The following DCP1A variants were observed in gnomAD, a reference collection of about 807,000 sequenced individuals.
DCP1A encodes the protein mRNA-decapping enzyme 1A.
In DCP1A, 20 loss-of-function variants were observed where a neutral mutation model predicts 58.0. The observed-to-expected ratio is 0.34, with a 90% CI of 0.24 to 0.50. The LOEUF (loss-of-function observed/expected upper bound fraction) is 0.50, where lower values mean the gene tolerates loss of function less well. Among genes scored for constraint, DCP1A ranks in the 20% least tolerant of loss-of-function variants. DCP1A has a pLI of 0.98. For synonymous variants in DCP1A, 285 were observed against 275.1 expected (o/e 1.04, Z -0.36); for missense variants, 613 against 712.2 (o/e 0.86, Z 1.59).
In DCP1A at chr3:53,315,854, C is replaced by T. The variant is rs797036408; in HGVS notation, c.372-3475G>A. 3.5e-5 allele frequency among the ~76,000 whole-genome samples: 5 copies of T among 144,004 alleles called. No individual in the cohort carries two copies. In the South Asian group the frequency reaches 1.2e-3, roughly 34 times the overall value. 94.5% of individuals were successfully genotyped at this position (144,004 alleles called of 152,430 possible). ...CTGAAAGCTCCGCTTCCCGGGTTCA[C>T]GCCATTCTTCTGCCTCAGCCTCCTG... On this transcript the variant is annotated intron_variant, in intron 4 of 9. Transcript: ENST00000610213.
intron 3 of DCP1A, among the ~76,000 whole-genome samples, chr3:53,325,750 G>C (rs1323351417): frequency 6.6e-6 from 1 of 152,196 alleles, no homozygotes; most frequent in Non-Finnish European, 1.5e-5. Flanking sequence ...AGGAAAGAGT[G>C]AGAAGACAAG....
chr3:53,341,373 T>C (rs1441655087), intron 3 of DCP1A, among the ~76,000 whole-genome samples: 1 of 152,122 alleles, frequency 6.6e-6, no homozygotes, highest in Admixed American at 6.5e-5. Flanking sequence ...GAGAAGGGCA[T>C]GAATCCGGGA....
intron 3 of DCP1A, chr3:53,329,445 G>GT (rs1184992694): frequency 1.3e-5 from 5 of 398,278 alleles, no homozygotes. Context: ...GCTTTTGGAG[G>GT]TAAGTTCTTA....
In DCP1A at chr3:53,347,160, G is replaced by T. The variant is rs1339522701; in HGVS notation, c.135+223C>A. On this transcript the variant is annotated intron_variant, in intron 1 of 9. Transcript: ENST00000610213. ...TCCTGCTCCAATCCTCCCCTCCACT[G>T]GCTTTTCCTTGGGATGTCTCGAGCC... is the stretch of plus-strand genomic sequence containing the variant. 2.6e-5 allele frequency among the ~76,000 whole-genome samples: 4 copies of T among 152,106 alleles called. No homozygotes were observed. The East Asian group carries it at 7.7e-4, about 29-fold the overall frequency.
chr3:53,325,979 G>A (rs370527916), intron 3 of DCP1A, among the ~76,000 whole-genome samples: 36 of 152,232 alleles, frequency 2.4e-4, no homozygotes, highest in African/African-American at 8.4e-4. Flanking sequence ...GACCACCACT[G>A]AACACTAATA....
chr3:53,336,640 G>A (rs2089120587), intron 3 of DCP1A, among the ~76,000 whole-genome samples: 1 of 152,114 alleles, frequency 6.6e-6, no homozygotes, highest in African/African-American at 2.4e-5. Flanking sequence ...GCTGGGCTAA[G>A]AATGTATCTT....
intron 3 of DCP1A, chr3:53,329,551 C>T: frequency 5.1e-6 from 2 of 391,054 alleles, no homozygotes; most frequent in Non-Finnish European, 4.5e-6. Flanking sequence ...ACATATTAGA[C>T]TAGTAGATAT....
chr3:53,299,567 C>A (rs1707245708), intron 6 of DCP1A, among the ~76,000 whole-genome samples: 1 of 152,124 alleles, frequency 6.6e-6, no homozygotes, highest in African/African-American at 2.4e-5. Flanking sequence ...GCAGTGGGCA[C>A]ACTATAAGAT....
In DCP1A at chr3:53,347,386, C is replaced by T. The variant is rs2089305628; in HGVS notation, c.132G>A (p.Gln44=). ...ALYTFCPKAN[Q]WEKTDIEGTL... ...CTCAGGGCCAGGCGGCACTCACCCACTGGTTGGCCTTGGGGCAGAAGGTGT... is the reference window on the plus strand; with the variant it reads ...CTCAGGGCCAGGCGGCACTCACCCATTGGTTGGCCTTGGGGCAGAAGGTGT... The change falls in exon 1 of 10, where the codon CAG becomes CAA. Residue 44 remains glutamine, a synonymous_variant. Coordinates refer to ENST00000610213, the MANE Select transcript of DCP1A (RefSeq NM_018403.7). The T allele has an allele frequency of 6.3e-7, 1 of 1,596,032 alleles. No individual in the cohort carries two copies. The highest frequency in any genetic ancestry group is 1.4e-5 in the African/African-American group (1 of 73,844).
At chr3:53,330,659 A>T (rs1553691166) in intron 3 of DCP1A, among the ~76,000 whole-genome samples, 1 of 152,106 alleles carries the variant, frequency 6.6e-6, no homozygotes. Context: ...AAATATAAAC[A>T]AAATTCTTTA....
intron 5 of DCP1A, 56 bp downstream of exon 5, chr3:53,312,185 T>A: frequency 1.3e-6 from 2 of 1,503,354 alleles, no homozygotes; most frequent in East Asian, 2.3e-5. Context: ...CCTGCAGACC[T>A]CCTCCTCCCG....
intron 5 of DCP1A, among the ~76,000 whole-genome samples, chr3:53,310,183 A>G (rs1251874981): frequency 2.0e-5 from 3 of 152,262 alleles, no homozygotes; most frequent in Non-Finnish European, 4.4e-5. Context: ...TTTCATTTTA[A>G]TCTACCCATA....
chr3:53,294,387 G>A (rs574996998), intron 6 of DCP1A, among the ~76,000 whole-genome samples: 4 of 152,220 alleles, frequency 2.6e-5, no homozygotes, highest in Admixed American at 1.3e-4. Context: ...TGGTATCTGG[G>A]TATTGGGTGG....
chr3:53,288,259 CA>C lies in DCP1A; in HGVS notation c.1473del (p.Ala492GlnfsTer36). 6.2e-7 allele frequency: 1 copy of C among 1,612,474 alleles called. No individual in the cohort carries two copies. Among genetic ancestry groups the C allele is most frequent in the Admixed American group, 1.7e-5 (1 of 59,672 alleles). The stretch of plus-strand genomic sequence containing the variant: ...ACTGAAGACACTGCAGTGGTCGTTG[CA>C]GTAACCAGTGGGGCGCCTGCAACCT... ...AIPVAGAPLV[T>X]ATTTAVSSVL... On this transcript the variant is annotated frameshift_variant, in exon 9 of 10. Coordinates refer to ENST00000610213, the MANE Select transcript of DCP1A (RefSeq NM_018403.7). LOFTEE classifies it high-confidence loss of function.
intron 3 of DCP1A, among the ~76,000 whole-genome samples, chr3:53,322,889 G>T (rs1479729083): frequency 2.7e-5 from 4 of 149,996 alleles, no homozygotes; most frequent in Non-Finnish European, 5.9e-5. Context: ...TTGGCTCATT[G>T]CAAGCTCTGC....
chr3:53,343,833 G>T (rs2089253481), intron 2 of DCP1A, among the ~76,000 whole-genome samples: 1 of 152,148 alleles, frequency 6.6e-6, no homozygotes, highest in Non-Finnish European at 1.5e-5. Flanking sequence ...GGATGGTCTT[G>T]ATCTCCTGAC....
intron 3 of DCP1A, among the ~76,000 whole-genome samples, chr3:53,334,519 T>C (rs1206993290): frequency 6.6e-6 from 1 of 152,238 alleles, no homozygotes; most frequent in Non-Finnish European, 1.5e-5. Context: ...GTGGAATCTT[T>C]TGAATACACA....
intron 3 of DCP1A, among the ~76,000 whole-genome samples, chr3:53,327,848 C>T (rs1049633752): frequency 2.1e-5 from 3 of 141,814 alleles, no homozygotes; most frequent in Non-Finnish European, 3.1e-5. Context: ...AAAGGCCGGG[C>T]GTGGTGGCTC....
At chr3:53,290,572 C>G in intron 8 of DCP1A, 8 of 642,444 alleles carry the variant, frequency 1.2e-5, no homozygotes, top group Non-Finnish European at 5.5e-6. Flanking sequence ...TTTCACTAAG[C>G]TGACAACCTT....
Sources: gnomAD v4.1 joint callset for allele counts (sites outside exome capture counted in the v4.1 genomes callset) on GRCh38, gnomAD v4.1.1 for gene constraint, MANE v1.5 for transcripts, NCBI Gene and HGNC (gene_info 2026-07-23, HGNC 2026-07-21) for gene names.